Variants in TESPA1 observed in about 807,000 individuals in gnomAD.
TESPA1 encodes the protein protein TESPA1.
Under a neutral mutation model 57.9 loss-of-function variants are expected in TESPA1, and 33 were observed. The observed-to-expected ratio is 0.57, with a 90% CI of 0.43 to 0.76. The LOEUF (loss-of-function observed/expected upper bound fraction) is 0.76. TESPA1 is among the 30% of genes least tolerant of loss of function. TESPA1 has a pLI of 0.00. For synonymous variants in TESPA1, 227 were observed against 228.9 expected (o/e 0.99, Z 0.07); for missense variants, 618 against 632.9 (o/e 0.98, Z 0.25).
intron 10 of TESPA1, among the ~76,000 whole-genome samples, chr12:54,955,121 C>A (rs1442899132): frequency 6.6e-6 from 1 of 152,160 alleles, no homozygotes; most frequent in Non-Finnish European, 1.5e-5. Context: ...TAATAGCCAT[C>A]CTAACAGGTT....
intron 9 of TESPA1, among the ~76,000 whole-genome samples, chr12:54,961,890 C>T (rs182517404): frequency 2.5e-4 from 38 of 152,278 alleles, no homozygotes; most frequent in African/African-American, 8.7e-4. Flanking sequence ...GGTAACCAAA[C>T]ATGGACATGC....
At chr12:54,961,355 G>A in intron 9 of TESPA1, 88 bp from the exon 10 acceptor site, 2 of 1,446,750 alleles carry the variant, frequency 1.4e-6, no homozygotes, top group Non-Finnish European at 9.6e-7. Flanking sequence ...TGTAGGGGAA[G>A]GAGGCTGAGT....
intron 3 of TESPA1, 50 bp downstream of exon 3, chr12:54,973,427 C>G (rs1220465092): frequency 9.3e-6 from 15 of 1,612,420 alleles, no homozygotes; most frequent in Non-Finnish European, 1.3e-5. Flanking sequence ...TGTCTGTTAG[C>G]AAATTCAACC....
chr12:54,962,660 A>C lies in TESPA1; in HGVS notation c.1238T>G (p.Leu413Arg). The C allele has an allele frequency of 1.2e-6, 2 of 1,613,850 alleles. No individual in the cohort carries two copies. The highest frequency in any genetic ancestry group is 1.7e-6 in the Non-Finnish European group (2 of 1,179,884). ...CGTATTGGTGGCTGGTAGACTACAC[A>C]GCTCTCTCCTTATCTGAGCTGGGTC... is the stretch of plus-strand genomic sequence containing the variant. Reference protein sequence around the residue: ...STDPAQIRRELCSLPATNTET... With the variant: ...STDPAQIRRERCSLPATNTET... Residue 413 changes from leucine to arginine, a missense_variant, in exon 9 of 11, where the codon CTG becomes CGG. This residue lies in a region of TESPA1 where 409 missense variants were observed against 420.1 expected (regional missense o/e 0.97). Transcript: ENST00000449076.
At chr12:54,979,130 A>G (rs1208332795) in intron 1 of TESPA1, among the ~76,000 whole-genome samples, 2 of 152,214 alleles carry the variant, frequency 1.3e-5, no homozygotes, top group African/African-American at 4.8e-5. Context: ...TAGTCTTTCC[A>G]GTCCTTTGTT....
rs1419460293 is a variant in TESPA1, at chr12:54,973,735, A to G, written c.164-216T>C. 3.0e-6 allele frequency: 4 copies of G among 1,313,574 alleles called. No homozygotes were observed. The Admixed American group carries it at 1.0e-4, about 34-fold the overall frequency. 81.4% of individuals were successfully genotyped at this position (1,313,574 alleles called of 1,614,324 possible). A position where few individuals can be genotyped will look rare whatever the true frequency, so the allele number is the denominator to read the frequency against. On this transcript the variant is annotated intron_variant, in intron 2 of 10. Coordinates refer to ENST00000449076, the MANE Select transcript of TESPA1 (RefSeq NM_001136030.3). ...TCTGCTTCTTTTCTCCCTTCCTCCC[A>G]AGAACCTGGAAAGTGCCCAAGATGT... is the stretch of plus-strand genomic sequence containing the variant.
chr12:54,959,602 G>A (rs532129821), intron 10 of TESPA1, among the ~76,000 whole-genome samples: 4 of 152,314 alleles, frequency 2.6e-5, no homozygotes, highest in Admixed American at 6.5e-5. Context: ...GTTCTCTACC[G>A]TGGTTCTGAT....
chr12:54,962,345 C>T lies in TESPA1; in HGVS notation c.1467+86G>A, dbSNP rs1209108267. 15 of 1,431,590 alleles carry T rather than the reference C, an allele frequency of 1.0e-5. No individual in the cohort carries two copies. The East Asian group carries it at 2.5e-4, about 24-fold the overall frequency. 88.7% of individuals were successfully genotyped at this position (1,431,590 alleles called of 1,614,324 possible). A position where few individuals can be genotyped will look rare whatever the true frequency, so the allele number is the denominator to read the frequency against. On this transcript the variant is annotated intron_variant, in intron 9 of 10. Coordinates refer to ENST00000449076, the MANE Select transcript of TESPA1 (RefSeq NM_001136030.3). The stretch of plus-strand genomic sequence containing the variant: ...AGGACAGGAAGCCTGGATTATTTTT[C>T]CCCCAAGGGTTCTAACCCTTCATCT...
chr12:54,958,907 G>C (rs960807049), intron 10 of TESPA1, among the ~76,000 whole-genome samples: 14 of 152,034 alleles, frequency 9.2e-5, no homozygotes, highest in Non-Finnish European at 1.6e-4. Flanking sequence ...CTTGCGCACA[G>C]ACTACTTTAT....
chr12:54,977,255 T>C (rs1417932884), intron 1 of TESPA1, among the ~76,000 whole-genome samples: 2 of 152,182 alleles, frequency 1.3e-5, no homozygotes, highest in African/African-American at 4.8e-5. Context: ...ATACTCATTG[T>C]CTAAACGAGT....
chr12:54,969,542 T>C (rs921214910), intron 3 of TESPA1, among the ~76,000 whole-genome samples: 2 of 152,132 alleles, frequency 1.3e-5, no homozygotes, highest in Non-Finnish European at 2.9e-5. Flanking sequence ...TAAATACTAG[T>C]CATGATAACC....
At chr12:54,980,889 T>C (rs1952290297) in intron 1 of TESPA1, among the ~76,000 whole-genome samples, 1 of 152,182 alleles carries the variant, frequency 6.6e-6, no homozygotes, top group African/African-American at 2.4e-5. Context: ...TAATTTGGAA[T>C]CATAGTTCTG....
chr12:54,977,808 T>A (rs1451295534), intron 1 of TESPA1, among the ~76,000 whole-genome samples: 1 of 152,228 alleles, frequency 6.6e-6, no homozygotes, highest in East Asian at 1.9e-4. Flanking sequence ...TCTTCACAAC[T>A]CTAGCACACA....
At chr12:54,970,298 A>G (rs527791955) in intron 3 of TESPA1, among the ~76,000 whole-genome samples, 1 of 152,336 alleles carries the variant, frequency 6.6e-6, no homozygotes, top group Non-Finnish European at 1.5e-5. Flanking sequence ...AATATAATTT[A>G]TATTAAAAAG....
At chr12:54,957,474 A>G (rs1287934527) in intron 10 of TESPA1, among the ~76,000 whole-genome samples, 3 of 152,296 alleles carry the variant, frequency 2.0e-5, no homozygotes, top group African/African-American at 7.2e-5. Flanking sequence ...TCCCCCTTCC[A>G]TATTTATCAC....
chr12:54,961,542 C>A (rs940972438), intron 9 of TESPA1, among the ~76,000 whole-genome samples: 4 of 152,214 alleles, frequency 2.6e-5, no homozygotes, highest in Admixed American at 2.6e-4. Flanking sequence ...CCCAACACTT[C>A]ATGGAAGTAT....
In TESPA1 at chr12:54,969,021, G is replaced by GTATA. The variant is rs56901356; in HGVS notation, c.207-1133_207-1130dup. ...AATAAGTCACTACATATTTATATAT[G>GTATA]TATATATATATATATATATATATAT... On this transcript the variant is annotated intron_variant, in intron 3 of 10. Transcript: ENST00000449076. Among the ~76,000 whole-genome samples, 247 of 83,650 alleles carry GTATA rather than the reference G, an allele frequency of 3.0e-3. 1 individual carries two copies. Among genetic ancestry groups the GTATA allele is most frequent in the Middle Eastern group, 6.8e-3 (1 of 146 alleles). The allele number at this position is 83,650 out of a possible 152,430, so 54.9% of individuals were successfully genotyped here. A position where few individuals can be genotyped will look rare whatever the true frequency, so the allele number is the denominator to read the frequency against.
At chr12:54,970,878 G>A (rs191431525) in intron 3 of TESPA1, among the ~76,000 whole-genome samples, 7 of 152,332 alleles carry the variant, frequency 4.6e-5, no homozygotes. Context: ...CTACCTGCCT[G>A]CAGAGATTTA....
intron 1 of TESPA1, chr12:54,984,101 C>T (rs1952414690): frequency 1.3e-5 from 2 of 152,132 alleles, no homozygotes; most frequent in Admixed American, 1.3e-4. Flanking sequence ...GTCATACCCA[C>T]AGAAAGCAAA....
Sources: gnomAD v4.1 joint callset for allele counts (sites outside exome capture counted in the v4.1 genomes callset) on GRCh38, gnomAD v4.1.1 for gene constraint, gnomAD v4.1.1 regional missense constraint, MANE v1.5 for transcripts, NCBI Gene and HGNC (gene_info 2026-07-23, HGNC 2026-07-21) for gene names.